The following VCF1 variants were observed in gnomAD, a reference collection of about 807,000 sequenced individuals.
VCF1 encodes the protein protein VCF1.
At chr17:73,215,907 C>A in the VCF1 span, among the ~76,000 whole-genome samples, 1 of 151,988 alleles carries the variant, frequency 6.6e-6, no homozygotes, top group Non-Finnish European at 1.5e-5. Flanking sequence ...AGAATTTTCA[C>A]AGGCAGGGTA....
the VCF1 span, among the ~76,000 whole-genome samples, chr17:73,216,134 T>G: frequency 6.6e-6 from 1 of 151,866 alleles, no homozygotes; most frequent in East Asian, 1.9e-4. Flanking sequence ...TGAATGAGGT[T>G]AAGGATCTGA....
the VCF1 span, among the ~76,000 whole-genome samples, chr17:73,228,087 C>T: frequency 2.2e-4 from 34 of 152,220 alleles, no homozygotes; most frequent in Non-Finnish European, 4.6e-4. Flanking sequence ...CATCCAGTTC[C>T]TAGGTCACAG....
At chr17:73,227,507 C>G in the VCF1 span, 1 of 694,612 alleles carries the variant, frequency 1.4e-6, no homozygotes, top group East Asian at 5.4e-5. Context: ...TAAAAAGAAG[C>G]TTAACAATTT....
the VCF1 span, chr17:73,208,431 C>A: frequency 6.2e-7 from 1 of 1,614,200 alleles, no homozygotes; most frequent in South Asian, 1.1e-5. Flanking sequence ...ACTTGGCTGG[C>A]TCTCTAGTAT....
At chr17:73,232,191 C>A in the VCF1 span, 1 of 1,609,682 alleles carries the variant, frequency 6.2e-7, no homozygotes, top group Non-Finnish European at 8.5e-7. Context: ...GCCGCCACGC[C>A]CACCCCCTCG....
At chr17:73,213,191 C>T in the VCF1 span, among the ~76,000 whole-genome samples, 1 of 150,890 alleles carries the variant, frequency 6.6e-6, no homozygotes, top group African/African-American at 2.4e-5. Flanking sequence ...TTGCAGTGAG[C>T]TGAGATCACG....
the VCF1 span, chr17:73,207,423 G>T: frequency 4.0e-6 from 3 of 756,704 alleles, no homozygotes; most frequent in Admixed American, 6.1e-5. Flanking sequence ...TTACTAGCTT[G>T]AGCTACTAGA....
chr17:73,210,517 A>C, the VCF1 span, among the ~76,000 whole-genome samples: 4 of 150,616 alleles, frequency 2.7e-5, no homozygotes, highest in South Asian at 6.3e-4. Flanking sequence ...AAAAAAAGTC[A>C]CTTTCAGAAA....
chr17:73,210,509 A>C, the VCF1 span, among the ~76,000 whole-genome samples: 1 of 152,088 alleles, frequency 6.6e-6, no homozygotes, highest in Non-Finnish European at 1.5e-5. Context: ...AAAAAAAAAA[A>C]AAAAGTCACT....
the VCF1 span, among the ~76,000 whole-genome samples, chr17:73,213,207 G>A: frequency 6.7e-6 from 1 of 150,276 alleles, no homozygotes; most frequent in South Asian, 2.1e-4. Context: ...TCACGCCACT[G>A]CACTCCAGCC....
the VCF1 span, among the ~76,000 whole-genome samples, chr17:73,220,229 T>G: frequency 6.6e-6 from 1 of 152,170 alleles, no homozygotes; most frequent in Non-Finnish European, 1.5e-5. Flanking sequence ...TTTTAAAAAA[T>G]CACCCAACAC....
the VCF1 span, chr17:73,208,044 T>G: frequency 7.3e-7 from 1 of 1,362,198 alleles, no homozygotes; most frequent in Non-Finnish European, 9.5e-7. Context: ...CTGCCCACAT[T>G]AGGTTAGCAG....
the VCF1 span, chr17:73,231,987 C>T: frequency 6.1e-6 from 8 of 1,304,276 alleles, no homozygotes; most frequent in East Asian, 2.7e-5. Context: ...GGAGCCCCGC[C>T]GGGTCCACTC....
the VCF1 span, among the ~76,000 whole-genome samples, chr17:73,219,932 T>C: frequency 6.8e-5 from 10 of 146,218 alleles, no homozygotes; most frequent in East Asian, 1.8e-3. Context: ...GCCATGATCA[T>C]ACCACCACAC....
chr17:73,224,907 CAGGACAGG>C, the VCF1 span, among the ~76,000 whole-genome samples: 2 of 150,104 alleles, frequency 1.3e-5, no homozygotes, highest in East Asian at 2.0e-4. Flanking sequence ...CAGGACAGGA[CAGGACAGG>C]ACAGGACAGG....
chr17:73,209,330 T>A, the VCF1 span: 1 of 709,976 alleles, frequency 1.4e-6, no homozygotes, highest in South Asian at 2.0e-5. Flanking sequence ...AAAAAATTGC[T>A]TCAAAGCCCC....
the VCF1 span, chr17:73,227,756 A>G: frequency 3.4e-6 from 2 of 580,450 alleles, no homozygotes; most frequent in Non-Finnish European, 4.4e-6. Context: ...TTCTGGCAAC[A>G]CTAGCCGGTA....
chr17:73,224,875 G>GACAGA, the VCF1 span, among the ~76,000 whole-genome samples: 1 of 45,114 alleles, frequency 2.2e-5, no homozygotes, highest in East Asian at 8.1e-4. Context: ...CACAGGACAG[G>GACAGA]ACAGCACAGC....
At chr17:73,207,954 G>A in the VCF1 span, 8 of 1,211,512 alleles carry the variant, frequency 6.6e-6, no homozygotes, top group Non-Finnish European at 8.3e-6. Context: ...AAAAGCTCTT[G>A]CAAAAACCAT....
Sources: gnomAD v4.1 joint callset for allele counts (sites outside exome capture counted in the v4.1 genomes callset) on GRCh38, gnomAD v4.1.1 for gene constraint, MANE v1.5 for transcripts, NCBI Gene and HGNC (gene_info 2026-07-23, HGNC 2026-07-21) for gene names.